The following INTS7 variants were observed in gnomAD, a reference collection of about 807,000 sequenced individuals.
The protein encoded by INTS7 is chromosome 1 open reading frame 73.
Under a neutral mutation model 109.2 loss-of-function variants are expected in INTS7, and 46 were observed. The observed-to-expected ratio is 0.42, with a 90% CI of 0.33 to 0.54. INTS7 has a LOEUF of 0.54. Ranked by LOEUF, INTS7 falls within the 20% of genes least tolerant of loss-of-function variation. The pLI is 0.07. For missense variants in INTS7, 929 were observed against 1,132.4 expected, an observed-to-expected ratio of 0.82 and a Z score of 2.58; for synonymous variants, 412 against 402.9, an observed-to-expected ratio of 1.02 and a Z score of -0.27.
intron 1 of INTS7, among the ~76,000 whole-genome samples, chr1:212,024,645 T>C (rs1383538440): frequency 2.0e-5 from 3 of 152,214 alleles, no homozygotes; most frequent in Admixed American, 1.3e-4. Flanking sequence ...AATAAACAAA[T>C]TGTGGTATAT....
intron 1 of INTS7, among the ~76,000 whole-genome samples, chr1:212,021,426 AT>A (rs1279191938): frequency 6.6e-6 from 1 of 152,128 alleles, no homozygotes; most frequent in African/African-American, 2.4e-5. Context: ...ATGAAAAAAA[AT>A]TTTTTAAAGG....
At chr1:211,964,190 C>T (rs977954824) in intron 16 of INTS7, among the ~76,000 whole-genome samples, 7 of 152,060 alleles carry the variant, frequency 4.6e-5, no homozygotes, top group African/African-American at 1.7e-4. Context: ...TCCTATATAC[C>T]AACAACAGTC....
intron 9 of INTS7, 106 bp from the exon 10 acceptor site, chr1:211,981,296 AG>A: frequency 1.6e-6 from 1 of 611,160 alleles, no homozygotes; most frequent in Non-Finnish European, 2.9e-6. Flanking sequence ...AAGGAGTTTA[AG>A]ATATAGGGAA....
intron 7 of INTS7, among the ~76,000 whole-genome samples, chr1:211,999,120 A>T (rs1665544407): frequency 6.6e-6 from 1 of 152,250 alleles, no homozygotes; most frequent in African/African-American, 2.4e-5. Context: ...CACACAACCC[A>T]GCAATTCCAT....
At chr1:211,996,530 C>T (rs1665399099) in intron 7 of INTS7, among the ~76,000 whole-genome samples, 1 of 151,972 alleles carries the variant, frequency 6.6e-6, no homozygotes, top group South Asian at 2.1e-4. Flanking sequence ...TGACAAAAAG[C>T]AACAACAAAA....
intron 16 of INTS7, among the ~76,000 whole-genome samples, chr1:211,954,120 T>A (rs924211160): frequency 1.3e-5 from 2 of 152,252 alleles, no homozygotes; most frequent in Admixed American, 1.3e-4. Flanking sequence ...TATCTCATTG[T>A]GGTTTTGACT....
chr1:212,034,729 A>T (rs1257720793), intron 1 of INTS7, among the ~76,000 whole-genome samples: 2 of 152,232 alleles, frequency 1.3e-5, no homozygotes, highest in African/African-American at 4.8e-5. Flanking sequence ...AGCCGAGGCT[A>T]GATGAAGTTA....
At chr1:211,971,885 C>T (rs1436202156) in intron 13 of INTS7, among the ~76,000 whole-genome samples, 4 of 123,950 alleles carry the variant, frequency 3.2e-5, no homozygotes, top group African/African-American at 9.3e-5. Flanking sequence ...CACTGCACTC[C>T]AGCCTGGTGA....
At position 212,016,987 on chromosome 1, in the gene INTS7, CCT is replaced by C; in HGVS notation, c.406_407del (p.Arg136GlufsTer6). 1.2e-6 allele frequency: 2 copies of C among 1,601,308 alleles called. No homozygotes were observed. The highest frequency in any genetic ancestry group is 2.3e-5 in the South Asian group (2 of 88,358). ...GACGAATACTATGATGAGCATTCTT[CCT>C]CTCAGGAATTATTGATGCCAGACTT... ...LGSLASIIPE[R>X]KNAHHSIRQS... On this transcript the variant is annotated frameshift_variant, in exon 4 of 20. Coordinates refer to ENST00000366994, the MANE Select transcript of INTS7 (RefSeq NM_015434.4). LOFTEE classifies it high-confidence loss of function.
intron 7 of INTS7, among the ~76,000 whole-genome samples, chr1:211,997,682 C>T (rs568444293): frequency 6.6e-6 from 1 of 151,702 alleles, no homozygotes; most frequent in South Asian, 2.1e-4. Flanking sequence ...AGTCTGAGAC[C>T]AGCGTGGCCA....
intron 12 of INTS7, among the ~76,000 whole-genome samples, chr1:211,976,001 T>C (rs1664402394): frequency 1.3e-5 from 2 of 152,128 alleles, no homozygotes; most frequent in Non-Finnish European, 2.9e-5. Flanking sequence ...GCTTTTACTA[T>C]GTCAGCCAGG....
intron 7 of INTS7, among the ~76,000 whole-genome samples, chr1:211,993,679 C>CAAAAA (rs1333287349): frequency 0.026 from 1,402 of 54,652 alleles, 4 homozygotes; most frequent in Non-Finnish European, 0.033. Flanking sequence ...GACTAAAACT[C>CAAAAA]AAAAAAAAAA....
At chr1:212,000,798 T>A (rs1665633806) in intron 7 of INTS7, among the ~76,000 whole-genome samples, 2 of 152,216 alleles carry the variant, frequency 1.3e-5, no homozygotes, top group African/African-American at 4.8e-5. Context: ...TATAACTTTT[T>A]ACCATAATAC....
At chr1:212,028,567 G>A (rs1667027551) in intron 1 of INTS7, among the ~76,000 whole-genome samples, 1 of 152,194 alleles carries the variant, frequency 6.6e-6, no homozygotes, top group Non-Finnish European at 1.5e-5. Flanking sequence ...TGAATTTAAA[G>A]TACTGGTAAG....
At chr1:211,997,482 C>G (rs1381961678) in intron 7 of INTS7, among the ~76,000 whole-genome samples, 2 of 138,440 alleles carry the variant, frequency 1.4e-5, no homozygotes, top group Non-Finnish European at 3.0e-5. Context: ...GACTGCACAC[C>G]ATTGCACTCC....
chr1:212,032,483 CT>C (rs922965045), intron 1 of INTS7, among the ~76,000 whole-genome samples: 87 of 145,590 alleles, frequency 6.0e-4, no homozygotes, highest in Middle Eastern at 3.6e-3. Context: ...GGTTATCTTT[CT>C]TTTTTTTTTT....
chr1:212,007,752 A>G (rs990171035), intron 5 of INTS7, among the ~76,000 whole-genome samples: 4 of 152,212 alleles, frequency 2.6e-5, no homozygotes, highest in African/African-American at 4.8e-5. Context: ...GTCATAGTAA[A>G]AAAATTATAC....
At chr1:212,010,959 C>T (rs916602195) in intron 5 of INTS7, among the ~76,000 whole-genome samples, 4 of 152,176 alleles carry the variant, frequency 2.6e-5, no homozygotes, top group African/African-American at 9.6e-5. Context: ...TCATGTCTCA[C>T]TCAAGTATCA....
intron 16 of INTS7, among the ~76,000 whole-genome samples, chr1:211,954,539 G>T (rs541375332): frequency 0.062 from 9,440 of 152,056 alleles, 443 homozygotes; most frequent in African/African-American, 0.13. Context: ...GGTCAAACAT[G>T]TAAGTCTTTA....
Sources: gnomAD v4.1 joint callset for allele counts (sites outside exome capture counted in the v4.1 genomes callset) on GRCh38, gnomAD v4.1.1 for gene constraint, MANE v1.5 for transcripts, NCBI Gene and HGNC (gene_info 2026-07-23, HGNC 2026-07-21) for gene names.